The following TBCD variants were observed in gnomAD, a reference collection of about 807,000 sequenced individuals.
TBCD encodes tubulin-specific chaperone D.
In TBCD, 105 loss-of-function variants were observed where a neutral mutation model predicts 169.3. The ratio of observed to expected loss-of-function variants is 0.62; its 90% CI spans 0.53 to 0.73. The LOEUF (loss-of-function observed/expected upper bound fraction) is 0.73, where lower values mean the gene tolerates loss of function less well. Ranked by LOEUF, TBCD falls within the 30% of genes least tolerant of loss-of-function variation. TBCD has a pLI of 0.00. For missense variants in TBCD, 1,444 were observed against 1,600.1 expected (o/e 0.90, Z 1.66); for synonymous variants, 700 against 643.9 (o/e 1.09, Z -1.32).
intron 15 of TBCD, among the ~76,000 whole-genome samples, chr17:82,886,762 C>T (rs541326657): frequency 5.8e-4 from 83 of 144,304 alleles, no homozygotes; most frequent in African/African-American, 1.8e-3. Context: ...CTCGGCCTCC[C>T]GGGTTCAAGC....
At chr17:82,794,207 C>G (rs557399787) in intron 7 of TBCD, among the ~76,000 whole-genome samples, 6 of 152,078 alleles carry the variant, frequency 3.9e-5, no homozygotes, top group African/African-American at 1.2e-4. Flanking sequence ...AGCTTGCTCC[C>G]GAGTAGCTCG....
intron 13 of TBCD, among the ~76,000 whole-genome samples, chr17:82,822,422 G>A (rs1376001781): frequency 6.6e-6 from 1 of 152,240 alleles, no homozygotes; most frequent in Non-Finnish European, 1.5e-5. Context: ...TACGCTGAGA[G>A]CTTCTACCGT....
intron 13 of TBCD, among the ~76,000 whole-genome samples, chr17:82,820,713 A>G (rs1020712915): frequency 2.6e-5 from 4 of 151,684 alleles, no homozygotes; most frequent in Non-Finnish European, 4.4e-5. Flanking sequence ...ATGGTGCCCT[A>G]TGAGTTTCTT....
intron 10 of TBCD, among the ~76,000 whole-genome samples, chr17:82,807,199 C>T (rs528655262): frequency 3.2e-4 from 49 of 152,344 alleles, no homozygotes; most frequent in Admixed American, 1.3e-3. Context: ...TTCAGCCTGC[C>T]GCCAAGGCCT....
At chr17:82,830,624 G>C (rs1175571695) in intron 13 of TBCD, 1 of 1,614,080 alleles carries the variant, frequency 6.2e-7, no homozygotes, top group Admixed American at 1.7e-5. Flanking sequence ...GCAGGCCTCG[G>C]AGCCTGGGTG....
At chr17:82,841,217 C>T (rs2054498078) in intron 13 of TBCD, among the ~76,000 whole-genome samples, 1 of 151,974 alleles carries the variant, frequency 6.6e-6, no homozygotes. Flanking sequence ...GCTTGGATTA[C>T]AGGTGTGAGC....
Position 82,926,428 on chromosome 17 carries a change from A to G in TBCD, c.2408A>G (p.His803Arg). The change falls in exon 28 of 39, where the codon CAC (histidine) becomes CGC (arginine). Residue 803 changes from histidine to arginine, a missense_variant. Transcript: ENST00000355528. ...QVLTGLRAVT[H>R]TSPEDVSFAE... ...CTCACAGGTTTAAGAGCAGTTACCC[A>G]CACTTCCCCCGAGGACGTAAGTTTT... is the stretch of plus-strand genomic sequence containing the variant. The G allele has an allele frequency of 6.2e-7, 1 of 1,613,936 alleles. No homozygotes were observed. The highest frequency in any genetic ancestry group is 1.3e-5 in the African/African-American group (1 of 75,006).
intron 7 of TBCD, among the ~76,000 whole-genome samples, chr17:82,790,489 C>G (rs1160588770): frequency 1.3e-5 from 2 of 152,186 alleles, no homozygotes; most frequent in East Asian, 1.9e-4. Flanking sequence ...TCCCCATCCC[C>G]CCGTGTGTCC....
rs1324614039 is a variant in TBCD, at chr17:82,942,494, G to A, written c.*31G>A. 9.3e-6 allele frequency: 15 copies of A among 1,613,834 alleles called. No individual in the cohort carries two copies. The highest frequency in any genetic ancestry group is 4.5e-5 in the East Asian group (2 of 44,886). On this transcript the variant is annotated 3_prime_UTR_variant, in exon 39 of 39. Coordinates refer to ENST00000355528, the MANE Select transcript of TBCD (RefSeq NM_005993.5). ...GTCCTGGAGCCCATACCTCACCCCT[G>A]CCTGGTGAGGATGTCTTGTTCCTGA...
chr17:82,926,535 G>A, intron 28 of TBCD, 44 bp downstream of exon 28: 1 of 1,554,624 alleles, frequency 6.4e-7, no homozygotes, highest in East Asian at 2.2e-5. Context: ...GTCTCTGAAA[G>A]GCCAGCAGAT....
rs137881740 is a variant in TBCD, at chr17:82,787,204, C to T, written c.771+5483C>T. On this transcript the variant is annotated intron_variant, in intron 7 of 38. Transcript: ENST00000355528. Reference sequence around the variant, plus strand: ...CAAAGAGTGAGGCGTGCTGTCCTGCCGTTTAGGGCAGAGCACCCAGGCGGT... The same window carrying T: ...CAAAGAGTGAGGCGTGCTGTCCTGCTGTTTAGGGCAGAGCACCCAGGCGGT... Among the ~76,000 whole-genome samples, 194 of 152,294 alleles carry T rather than the reference C, an allele frequency of 1.3e-3. 1 individual carries two copies. The highest frequency in any genetic ancestry group is 0.01 in the Middle Eastern group (3 of 294).
intron 2 of TBCD, among the ~76,000 whole-genome samples, chr17:82,762,172 C>A (rs2047793821): frequency 6.6e-6 from 1 of 150,836 alleles, no homozygotes. Flanking sequence ...AAAAATTAGC[C>A]CAGTGTGGCG....
intron 13 of TBCD, among the ~76,000 whole-genome samples, chr17:82,849,502 C>G (rs139815367): frequency 6.6e-6 from 1 of 152,238 alleles, no homozygotes; most frequent in African/African-American, 2.4e-5. Context: ...TTTCCCCTTT[C>G]GTCTCCTTAA....
At chr17:82,764,191 C>T (rs2047911036) in intron 3 of TBCD, 129 bp downstream of exon 3, 3 of 723,434 alleles carry the variant, frequency 4.1e-6, no homozygotes, top group Non-Finnish European at 6.8e-6. Flanking sequence ...TTAATTCTGT[C>T]CCTTTTTACT....
At chr17:82,812,608 G>A (rs778541951) in intron 12 of TBCD, among the ~76,000 whole-genome samples, 3 of 152,160 alleles carry the variant, frequency 2.0e-5, no homozygotes, top group Admixed American at 6.5e-5. Flanking sequence ...GCAGTGGCGC[G>A]GTCTTGGCTC....
At chr17:82,897,220 A>T (rs77910906) in intron 17 of TBCD, among the ~76,000 whole-genome samples, 16,080 of 151,458 alleles carry the variant, frequency 0.11, 1,137 homozygotes, top group South Asian at 0.29. Context: ...AAGCCTTTTT[A>T]AAAAAAAATC....
intron 15 of TBCD, among the ~76,000 whole-genome samples, chr17:82,887,991 C>T (rs1216902183): frequency 6.6e-6 from 1 of 152,182 alleles, no homozygotes; most frequent in South Asian, 2.1e-4. Context: ...GGATTCTGGT[C>T]CTCTGTTGGA....
chr17:82,856,721 CGGG>C (rs1391342168), intron 13 of TBCD, among the ~76,000 whole-genome samples: 2 of 150,330 alleles, frequency 1.3e-5, no homozygotes, highest in African/African-American at 4.9e-5. Context: ...GCATCCAGGG[CGGG>C]ATCGCTGGAC....
chr17:82,888,266 G>T (rs190437886), intron 15 of TBCD, among the ~76,000 whole-genome samples: 152 of 152,358 alleles, frequency 1.0e-3, no homozygotes, highest in African/African-American at 3.5e-3. Context: ...GACGGGCTGT[G>T]CTGCGATGCT....
Sources: gnomAD v4.1 joint callset for allele counts (sites outside exome capture counted in the v4.1 genomes callset) on GRCh38, gnomAD v4.1.1 for gene constraint, MANE v1.5 for transcripts, NCBI Gene and HGNC (gene_info 2026-07-23, HGNC 2026-07-21) for gene names.